The following NCAM2 variants were observed in gnomAD, a reference collection of about 807,000 sequenced individuals.
NCAM2 encodes neural cell adhesion molecule 2.
Under a neutral mutation model 98.1 loss-of-function variants are expected in NCAM2, and 30 were observed. The ratio of observed to expected loss-of-function variants is 0.31; its 90% CI spans 0.23 to 0.41. The LOEUF is 0.41. Among genes scored for constraint, NCAM2 ranks in the 10% least tolerant of loss-of-function variants. The pLI is 1.00. For synonymous variants in NCAM2, 368 were observed against 342.4 expected, an observed-to-expected ratio of 1.07 and a Z score of -0.83; for missense variants, 867 against 1,005.8, an observed-to-expected ratio of 0.86 and a Z score of 1.87.
chr21:21,391,123 C>A (rs753511863), intron 9 of NCAM2, among the ~76,000 whole-genome samples: 2 of 152,124 alleles, frequency 1.3e-5, no homozygotes, highest in African/African-American at 4.8e-5. Flanking sequence ...GAGGCTGAGG[C>A]AGGAGGATCA....
chr21:21,352,963 C>T (rs1302973322), intron 8 of NCAM2, among the ~76,000 whole-genome samples: 1 of 151,992 alleles, frequency 6.6e-6, no homozygotes, highest in Non-Finnish European at 1.5e-5. Flanking sequence ...AAGCAATTTT[C>T]CTGCCTCAGC....
chr21:21,408,718 A>G (rs566139100), intron 9 of NCAM2, among the ~76,000 whole-genome samples: 3 of 152,194 alleles, frequency 2.0e-5, no homozygotes, highest in South Asian at 4.1e-4. Flanking sequence ...TCCCTTTTCC[A>G]TAGAACAGAG....
intron 16 of NCAM2, among the ~76,000 whole-genome samples, chr21:21,524,308 C>G (rs114636235): frequency 6.6e-6 from 1 of 150,846 alleles, no homozygotes; most frequent in Non-Finnish European, 1.5e-5. Flanking sequence ...TGTTTAACAA[C>G]AAAGCATAAA....
At chr21:21,194,270 T>C (rs923506461) in intron 1 of NCAM2, among the ~76,000 whole-genome samples, 1 of 152,212 alleles carries the variant, frequency 6.6e-6, no homozygotes, top group Non-Finnish European at 1.5e-5. Context: ...GCCATGTGGT[T>C]ATTCATTTCT....
chr21:21,534,298 G>C (rs1477127879), intron 16 of NCAM2, among the ~76,000 whole-genome samples: 1 of 151,750 alleles, frequency 6.6e-6, no homozygotes, highest in African/African-American at 2.4e-5. Flanking sequence ...CAAAATAATT[G>C]ATACAGTTTT....
At chr21:21,219,582 G>A (rs540266120) in intron 1 of NCAM2, among the ~76,000 whole-genome samples, 3 of 152,152 alleles carry the variant, frequency 2.0e-5, no homozygotes, top group Admixed American at 1.3e-4. Flanking sequence ...GTCAATAAAC[G>A]CATAGCACAT....
chr21:21,395,186 T>C (rs1248531837), intron 9 of NCAM2, among the ~76,000 whole-genome samples: 4 of 151,912 alleles, frequency 2.6e-5, no homozygotes, highest in African/African-American at 7.3e-5. Flanking sequence ...ACAAAAAAAA[T>C]TAGCTGGGCC....
chr21:21,370,011 G>T (rs1211666391), intron 8 of NCAM2, among the ~76,000 whole-genome samples: 1 of 151,710 alleles, frequency 6.6e-6, no homozygotes, highest in African/African-American at 2.4e-5. Flanking sequence ...GAGCTAATAT[G>T]CTGCAGTCAT....
chr21:21,292,346 C>A, intron 5 of NCAM2, 105 bp downstream of exon 5: 1 of 1,075,906 alleles, frequency 9.3e-7, no homozygotes, highest in East Asian at 2.6e-5. Context: ...TCTAATAAAC[C>A]TCTTCTATAC....
chr21:21,482,196 A>T (rs112089100), intron 15 of NCAM2, among the ~76,000 whole-genome samples: 1 of 152,212 alleles, frequency 6.6e-6, no homozygotes, highest in Non-Finnish European at 1.5e-5. Context: ...ACCATAAATT[A>T]AGAATTGTTT....
At chr21:21,384,271 ATATTT>A (rs1036889051) in intron 9 of NCAM2, among the ~76,000 whole-genome samples, 146 of 151,902 alleles carry the variant, frequency 9.6e-4, no homozygotes, top group African/African-American at 3.3e-3. Flanking sequence ...TTATATTTAC[ATATTT>A]TATTTTATTT....
At chr21:21,417,602 A>G (rs1260630308) in intron 10 of NCAM2, among the ~76,000 whole-genome samples, 1 of 152,072 alleles carries the variant, frequency 6.6e-6, no homozygotes. Flanking sequence ...ATCTATTACT[A>G]TCATCAAATC....
chr21:21,250,045 C>T (rs1278665749), intron 1 of NCAM2, among the ~76,000 whole-genome samples: 3 of 152,130 alleles, frequency 2.0e-5, no homozygotes, highest in Non-Finnish European at 4.4e-5. Flanking sequence ...GTAATAGGTT[C>T]GGATAGACTA....
intron 1 of NCAM2, among the ~76,000 whole-genome samples, chr21:21,018,222 T>A (rs1182666956): frequency 1.3e-5 from 2 of 152,214 alleles, no homozygotes; most frequent in Non-Finnish European, 2.9e-5. Context: ...CTCCCCACTA[T>A]TTTTTCAAAG....
chr21:21,190,151 C>T (rs1044767343), intron 1 of NCAM2, among the ~76,000 whole-genome samples: 2 of 152,124 alleles, frequency 1.3e-5, no homozygotes, highest in African/African-American at 4.8e-5. Flanking sequence ...TGCAATTGGG[C>T]AATGAAAACT....
At chr21:21,412,930 T>G (rs1456200543) in intron 10 of NCAM2, among the ~76,000 whole-genome samples, 3 of 152,164 alleles carry the variant, frequency 2.0e-5, no homozygotes, top group Non-Finnish European at 4.4e-5. Flanking sequence ...GTGCTAATTC[T>G]TTAGAATATA....
At chr21:21,104,946 A>G (rs990331411) in intron 1 of NCAM2, among the ~76,000 whole-genome samples, 1 of 152,092 alleles carries the variant, frequency 6.6e-6, no homozygotes, top group Non-Finnish European at 1.5e-5. Flanking sequence ...ACAAGGAGAA[A>G]AACTGAAATC....
In NCAM2 at chr21:21,276,761, T is replaced by C. The variant is rs973889634; in HGVS notation, c.56-3817T>C. Among the ~76,000 whole-genome samples, 5 of 152,156 alleles carry C rather than the reference T, an allele frequency of 3.3e-5. No homozygotes were observed. The South Asian group carries it at 8.3e-4, about 25-fold the overall frequency. On this transcript the variant is annotated intron_variant, in intron 1 of 17. Coordinates refer to ENST00000400546, the MANE Select transcript of NCAM2 (RefSeq NM_004540.5). The stretch of plus-strand genomic sequence containing the variant: ...GAGCAAATCTGGTCTTTGGGAAATA[T>C]AGTGAAGTAGAGAATTATATTTTCT...
At chr21:21,484,149 G>C (rs963700012) in intron 15 of NCAM2, among the ~76,000 whole-genome samples, 1 of 152,080 alleles carries the variant, frequency 6.6e-6, no homozygotes, top group East Asian at 1.9e-4. Context: ...TAAGGGATCA[G>C]TGACAGAATT....
Sources: allele counts gnomAD v4.1 joint callset (sites outside exome capture counted in the v4.1 genomes callset), GRCh38; gene constraint gnomAD v4.1.1; transcripts MANE v1.5; gene names NCBI Gene and HGNC (gene_info 2026-07-23, HGNC 2026-07-21).